Variants in CCDC146 observed in about 807,000 individuals in gnomAD.
CCDC146 encodes the protein coiled-coil domain-containing protein 146.
CCDC146 carries 92 observed loss-of-function variants against 119.3 expected under a neutral mutation model. The observed-to-expected ratio is 0.77, with a 90% CI of 0.65 to 0.92. CCDC146 has a LOEUF of 0.92. Among genes scored for constraint, CCDC146 ranks in the 40% least tolerant of loss-of-function variants. The pLI is 0.00. For synonymous variants in CCDC146, 372 were observed against 371.8 expected (o/e 1.00, Z -0.01); for missense variants, 1,000 against 1,103.0 (o/e 0.91, Z 1.32).
chr7:77,165,882 C>A (rs1439507145), intron 1 of CCDC146, among the ~76,000 whole-genome samples: 1 of 152,134 alleles, frequency 6.6e-6, no homozygotes, highest in East Asian at 1.9e-4. Flanking sequence ...AGTTTAAAAT[C>A]TCCAGTTTTG....
intron 1 of CCDC146, among the ~76,000 whole-genome samples, chr7:77,139,147 C>G (rs1443536426): frequency 3.3e-5 from 5 of 152,154 alleles, no homozygotes; most frequent in African/African-American, 1.2e-4. Flanking sequence ...TAAACTTTGA[C>G]ACATCCAGAT....
At chr7:77,219,951 G>A (rs564140440) in intron 2 of CCDC146, among the ~76,000 whole-genome samples, 12 of 152,304 alleles carry the variant, frequency 7.9e-5, no homozygotes, top group East Asian at 1.9e-4. Flanking sequence ...AGTCCAGGGC[G>A]AAACTAGAAT....
intron 8 of CCDC146, among the ~76,000 whole-genome samples, chr7:77,261,049 C>T (rs1374095137): frequency 2.0e-5 from 3 of 152,140 alleles, no homozygotes; most frequent in African/African-American, 7.2e-5. Context: ...ACTCACAAAC[C>T]TAGTTGCCTT....
chr7:77,214,204 CTGA>C (rs1792256510), intron 2 of CCDC146, among the ~76,000 whole-genome samples: 2 of 152,062 alleles, frequency 1.3e-5, no homozygotes, highest in Non-Finnish European at 2.9e-5. Context: ...TTGCATTTAT[CTGA>C]TGATGACAAG....
intron 2 of CCDC146, among the ~76,000 whole-genome samples, chr7:77,201,564 C>T (rs938444379): frequency 2.0e-5 from 3 of 150,252 alleles, no homozygotes; most frequent in African/African-American, 7.4e-5. Flanking sequence ...CCCAGCCCCA[C>T]CCCTCACAAA....
At chr7:77,279,171 G>A (rs11976501) in intron 13 of CCDC146, 70 bp downstream of exon 13, 325,671 of 1,527,762 alleles carry the variant, frequency 0.21, 37,084 homozygotes, top group South Asian at 0.25. Context: ...TAAAAATCCT[G>A]GGGATAAGAA....
At chr7:77,238,978 C>G (rs572540312) in intron 3 of CCDC146, among the ~76,000 whole-genome samples, 7 of 149,964 alleles carry the variant, frequency 4.7e-5, no homozygotes, top group Admixed American at 3.3e-4. Context: ...ACTCCCAATG[C>G]CTGATGGGTG....
chr7:77,156,082 G>A (rs1791173915), intron 1 of CCDC146, among the ~76,000 whole-genome samples: 1 of 152,122 alleles, frequency 6.6e-6, no homozygotes, highest in African/African-American at 2.4e-5. Context: ...TTCCATCCTC[G>A]GGAGGGGTGC....
chr7:77,199,184 G>A, intron 2 of CCDC146: 2 of 1,612,284 alleles, frequency 1.2e-6, no homozygotes, highest in Non-Finnish European at 1.7e-6. Flanking sequence ...TACATACCTG[G>A]ACGTGACTGT....
rs1554345524 is a variant in CCDC146 at position 77,134,563 on chromosome 7, CTGTGTG to C, written c.-12+11861_-12+11866del. 3.5e-3 allele frequency among the ~76,000 whole-genome samples: 493 copies of C among 139,392 alleles called. 5 individuals carry two copies. The highest frequency in any genetic ancestry group is 0.012 in the South Asian group (52 of 4,466). The allele number at this position is 139,392 out of a possible 152,430, so 91.4% of individuals were successfully genotyped here. ...ACTCTGTGTGTGTGTGTGTGTGTGT[CTGTGTG>C]TGTGTGTGTGTGTGTGTGTGTGTGT... On this transcript the variant is annotated intron_variant, in intron 1 of 18. Transcript: ENST00000285871.
chr7:77,239,210 C>G (rs1018776888), intron 3 of CCDC146, among the ~76,000 whole-genome samples: 1 of 152,206 alleles, frequency 6.6e-6, no homozygotes, highest in Non-Finnish European at 1.5e-5. Context: ...TATGCAAAAA[C>G]AGGCACTGTA....
At chr7:77,281,525 T>A (rs1057141367) in intron 14 of CCDC146, among the ~76,000 whole-genome samples, 1 of 152,228 alleles carries the variant, frequency 6.6e-6, no homozygotes, top group African/African-American at 2.4e-5. Context: ...AGATTTTTTT[T>A]AAGCAAACTT....
At chr7:77,275,685 T>C (rs150088559) in intron 11 of CCDC146, among the ~76,000 whole-genome samples, 1 of 152,252 alleles carries the variant, frequency 6.6e-6, no homozygotes, top group East Asian at 1.9e-4. Context: ...GAATGCCAGA[T>C]ACCCTTAGTT....
At chr7:77,222,704 TC>T (rs1792427745) in intron 2 of CCDC146, among the ~76,000 whole-genome samples, 1 of 152,226 alleles carries the variant, frequency 6.6e-6, no homozygotes, top group African/African-American at 2.4e-5. Context: ...GCTATGTACA[TC>T]TTCTTCATAC....
At chr7:77,225,276 G>A (rs1284149856) in intron 2 of CCDC146, among the ~76,000 whole-genome samples, 2 of 152,208 alleles carry the variant, frequency 1.3e-5, no homozygotes, top group African/African-American at 4.8e-5. Context: ...GCCAGGCATG[G>A]TGGCTCACAC....
chr7:77,215,083 G>C, intron 2 of CCDC146, among the ~76,000 whole-genome samples: 1 of 152,166 alleles, frequency 6.6e-6, no homozygotes, highest in Middle Eastern at 3.4e-3. Flanking sequence ...TTACCCTGCT[G>C]TAGAGGCATG....
chr7:77,265,122 A>G (rs1215270340), intron 9 of CCDC146, among the ~76,000 whole-genome samples: 2 of 152,224 alleles, frequency 1.3e-5, no homozygotes, highest in Non-Finnish European at 2.9e-5. Context: ...AGGATGTTAA[A>G]TTGGAACTTT....
chr7:77,280,624 C>A lies in CCDC146; in HGVS notation c.1890C>A (p.Tyr630Ter). 6.2e-7 allele frequency: 1 copy of A among 1,613,064 alleles called. No individual in the cohort carries two copies. Among genetic ancestry groups the A allele is most frequent in the Non-Finnish European group, 8.5e-7 (1 of 1,179,556 alleles). ...EEEMVQLRKRYEKAVQHRNES... is the reference protein window; with the variant it reads ...EEEMVQLRKR ...AGATGGTGCAGCTTCGCAAAAGATACGAAAAAGCTGTTCAGCATCGAAATG... is the reference window on the plus strand; with the variant it reads ...AGATGGTGCAGCTTCGCAAAAGATAAGAAAAAGCTGTTCAGCATCGAAATG... The change falls in exon 14 of 19, where the codon TAC becomes TAA. Residue 630 changes from tyrosine (Y) to a stop codon, truncating the protein, a stop_gained. Transcript: ENST00000285871. LOFTEE classifies it high-confidence loss of function.
intron 1 of CCDC146, among the ~76,000 whole-genome samples, chr7:77,144,658 G>T (rs1394536044): frequency 2.0e-5 from 3 of 151,740 alleles, no homozygotes; most frequent in Non-Finnish European, 4.4e-5. Context: ...GGCTTTTTCT[G>T]CATCTATTGA....
Sources: gnomAD v4.1 joint callset for allele counts (sites outside exome capture counted in the v4.1 genomes callset) on GRCh38, gnomAD v4.1.1 for gene constraint, MANE v1.5 for transcripts, NCBI Gene and HGNC (gene_info 2026-07-23, HGNC 2026-07-21) for gene names.